BLOC1S5: variants seen among roughly 807,000 people sequenced by gnomAD.
BLOC1S5 encodes the protein biogenesis of lysosomal organelles complex 1 subunit 5, also known as biogenesis of lysosome-related organelles complex 1 subunit 5.
Under a neutral mutation model 24.3 loss-of-function variants are expected in BLOC1S5, and 27 were observed. The observed-to-expected ratio is 1.11, with a 90% CI of 0.82 to 1.53. BLOC1S5 has a LOEUF of 1.53. Ranked by LOEUF, BLOC1S5 falls within the 40% of genes most tolerant of loss-of-function variation. The pLI is 0.00. For synonymous variants in BLOC1S5, 84 were observed against 74.5 expected, an observed-to-expected ratio of 1.13 and a Z score of -0.66; for missense variants, 239 against 229.4, an observed-to-expected ratio of 1.04 and a Z score of -0.27.
intron 3 of BLOC1S5, among the ~76,000 whole-genome samples, chr6:8,032,773 G>A (rs2113542940): frequency 6.6e-6 from 1 of 152,292 alleles, no homozygotes; most frequent in South Asian, 2.1e-4. Context: ...AGCAACTTCA[G>A]CAAAGTCTCA....
chr6:8,035,486 T>C (rs922007697), intron 3 of BLOC1S5, among the ~76,000 whole-genome samples: 2 of 152,142 alleles, frequency 1.3e-5, no homozygotes, highest in African/African-American at 2.4e-5. Flanking sequence ...TCTGCAGCAG[T>C]TGGGTGAAAT....
intron 2 of BLOC1S5, among the ~76,000 whole-genome samples, chr6:8,053,443 A>T (rs1764201192): frequency 6.6e-6 from 1 of 152,218 alleles, no homozygotes; most frequent in South Asian, 2.1e-4. Context: ...CATCGAAATA[A>T]GATTCTCCAT....
chr6:8,056,054 TCTTAA>T (rs929388694), intron 2 of BLOC1S5, among the ~76,000 whole-genome samples: 6 of 152,172 alleles, frequency 3.9e-5, no homozygotes, highest in Admixed American at 6.5e-5. Context: ...TCTCTTTCTC[TCTTAA>T]CTTTTCTTAC....
chr6:8,055,348 T>C (rs1311965062), intron 2 of BLOC1S5, among the ~76,000 whole-genome samples: 1 of 152,212 alleles, frequency 6.6e-6, no homozygotes, highest in Non-Finnish European at 1.5e-5. Flanking sequence ...AGCAGGAGAA[T>C]CACTGGAACC....
At chr6:8,038,519 C>G (rs1763567804) in intron 3 of BLOC1S5, among the ~76,000 whole-genome samples, 1 of 152,176 alleles carries the variant, frequency 6.6e-6, no homozygotes, top group African/African-American at 2.4e-5. Flanking sequence ...GAGTCTCACT[C>G]TGTTGCCCAG....
rs201399970 is a variant in BLOC1S5, at chr6:8,021,654, GT to G, written c.384+4712del. The stretch of plus-strand genomic sequence containing the variant: ...AAAAAAGTTCCGTGGATGGATGGTG[GT>G]GATGGTTGAACAACAATGTGAATAT... On this transcript the variant is annotated intron_variant, in intron 4 of 4. Transcript: ENST00000397457. Among the ~76,000 whole-genome samples, 746 of 151,164 alleles carry G rather than the reference GT, an allele frequency of 4.9e-3. 5 individuals carry two copies. The highest frequency in any genetic ancestry group is 0.018 in the African/African-American group (719 of 40,556).
In BLOC1S5 at chr6:8,014,643, T is replaced by C. The variant is rs1001735956; in HGVS notation, c.*1006A>G. The C allele has an allele frequency of 2.6e-5, 4 of 152,162 alleles. No homozygotes were observed. Among genetic ancestry groups the C allele is most frequent in the East Asian group, 3.8e-4 (2 of 5,200 alleles). 9.4% of individuals were successfully genotyped at this position (152,162 alleles called of 1,614,324 possible). A position where few individuals can be genotyped will look rare whatever the true frequency, so the allele number is the denominator to read the frequency against. On this transcript the variant is annotated 3_prime_UTR_variant, in exon 5 of 5. Transcript: ENST00000397457. ...GACAGAACTGGTACATGTTTCATCATAATATACCTGCTTATGAGAACAGAC... is the reference window on the plus strand; with the variant it reads ...GACAGAACTGGTACATGTTTCATCACAATATACCTGCTTATGAGAACAGAC...
chr6:8,031,967 C>T (rs1479788899), intron 3 of BLOC1S5, among the ~76,000 whole-genome samples: 1 of 152,134 alleles, frequency 6.6e-6, no homozygotes, highest in African/African-American at 2.4e-5. Flanking sequence ...TAAAAATCAA[C>T]TCAAGATGGA....
intron 3 of BLOC1S5, chr6:8,027,533 C>A: frequency 2.4e-6 from 1 of 424,336 alleles, no homozygotes; most frequent in South Asian, 1.7e-5. Flanking sequence ...AGTAGTTCTT[C>A]ATATAAAATA....
intron 4 of BLOC1S5, among the ~76,000 whole-genome samples, chr6:8,023,232 G>A (rs1223702167): frequency 6.6e-6 from 1 of 152,170 alleles, no homozygotes; most frequent in Non-Finnish European, 1.5e-5. Flanking sequence ...TAGTTTTGAA[G>A]ACATGTCAAA....
intron 4 of BLOC1S5, among the ~76,000 whole-genome samples, chr6:8,025,946 T>G (rs192631974): frequency 2.4e-4 from 36 of 152,342 alleles, no homozygotes; most frequent in Non-Finnish European, 5.9e-5. Flanking sequence ...CAGCAAATGA[T>G]TCAAATACTC....
At chr6:8,031,766 T>C (rs542043411) in intron 3 of BLOC1S5, among the ~76,000 whole-genome samples, 21 of 152,122 alleles carry the variant, frequency 1.4e-4, no homozygotes, top group African/African-American at 3.6e-4. Flanking sequence ...GGCATAAAAA[T>C]AGGCGCATAG....
chr6:8,050,344 C>T (rs898282014), intron 2 of BLOC1S5, among the ~76,000 whole-genome samples: 1 of 152,154 alleles, frequency 6.6e-6, no homozygotes, highest in East Asian at 1.9e-4. Flanking sequence ...GTTCTCATTG[C>T]TCACTGACTG....
intron 2 of BLOC1S5, among the ~76,000 whole-genome samples, chr6:8,041,497 A>G (rs1763682791): frequency 6.6e-6 from 1 of 151,224 alleles, no homozygotes; most frequent in African/African-American, 2.4e-5. Context: ...TGTTTTTAGT[A>G]GAGATGGGGT....
At chr6:8,034,134 T>C (rs1031944254) in intron 3 of BLOC1S5, among the ~76,000 whole-genome samples, 1 of 152,226 alleles carries the variant, frequency 6.6e-6, no homozygotes, top group African/African-American at 2.4e-5. Flanking sequence ...ACTGGGTATG[T>C]ACCCAAAGGA....
chr6:8,026,289 C>A, intron 4 of BLOC1S5, 78 bp downstream of exon 4: 2 of 1,207,260 alleles, frequency 1.7e-6, no homozygotes, highest in South Asian at 1.3e-5. Context: ...AGAGAATTTT[C>A]TGATCAAAAG....
intron 4 of BLOC1S5, among the ~76,000 whole-genome samples, chr6:8,019,164 C>T (rs1198375712): frequency 6.6e-6 from 1 of 151,994 alleles, no homozygotes; most frequent in African/African-American, 2.4e-5. Context: ...CTTCCAAATC[C>T]AAATAAAAAT....
At chr6:8,027,837 A>AAAT (rs1315084990) in intron 3 of BLOC1S5, among the ~76,000 whole-genome samples, 1 of 152,056 alleles carries the variant, frequency 6.6e-6, no homozygotes, top group African/African-American at 2.4e-5. Flanking sequence ...AAAAAAAAAA[A>AAAT]AATACAATAA....
chr6:8,023,680 A>G (rs1301559640), intron 4 of BLOC1S5, among the ~76,000 whole-genome samples: 1 of 152,236 alleles, frequency 6.6e-6, no homozygotes, highest in African/African-American at 2.4e-5. Flanking sequence ...TCAAATATAC[A>G]AAATGTATGC....
Sources: gnomAD v4.1 joint callset for allele counts (sites outside exome capture counted in the v4.1 genomes callset) on GRCh38, gnomAD v4.1.1 for gene constraint, MANE v1.5 for transcripts, NCBI Gene and HGNC (gene_info 2026-07-23, HGNC 2026-07-21) for gene names.